ECE1: variants seen among roughly 807,000 people sequenced by gnomAD.
ECE1 encodes endothelin-converting enzyme 1.
A neutral mutation model predicts 98.6 loss-of-function variants in ECE1; 35 were observed. That is an observed-to-expected ratio of 0.35 (90% CI 0.27 to 0.47). ECE1 has a LOEUF of 0.47. ECE1 is among the 20% of genes least tolerant of loss of function. The pLI is 1.00. For synonymous variants in ECE1, 394 were observed against 407.1 expected, an observed-to-expected ratio of 0.97 and a Z score of 0.39; for missense variants, 814 against 1,025.3, an observed-to-expected ratio of 0.79 and a Z score of 2.81.
intron 4 of ECE1, among the ~76,000 whole-genome samples, chr1:21,261,424 G>A (rs2098226655): frequency 6.6e-6 from 1 of 152,042 alleles, no homozygotes; most frequent in Non-Finnish European, 1.5e-5. Flanking sequence ...CCCTGTGTAA[G>A]CTGTGGGACA....
intron 15 of ECE1, 133 bp from the exon 16 acceptor site, chr1:21,227,359 T>G: frequency 1.1e-6 from 1 of 926,942 alleles, no homozygotes; most frequent in East Asian, 2.6e-5. Flanking sequence ...TGGATAAGGG[T>G]GTGGTCATGG....
intron 14 of ECE1, among the ~76,000 whole-genome samples, chr1:21,228,868 G>GT (rs35536676): frequency 1 from 144,985 of 145,006 alleles, 72,482 homozygotes; most frequent in Middle Eastern, 1. Flanking sequence ...TTGAGACGGA[G>GT]CTCACTCTGT....
intron 2 of ECE1, among the ~76,000 whole-genome samples, chr1:21,287,034 G>A (rs1190834939): frequency 2.0e-5 from 3 of 152,154 alleles, no homozygotes; most frequent in Non-Finnish European, 4.4e-5. Flanking sequence ...ATAAATAAAT[G>A]TGGCAAGTAA....
At chr1:21,246,566 TTTAC>T (rs2098203979) in intron 9 of ECE1, among the ~76,000 whole-genome samples, 2 of 151,556 alleles carry the variant, frequency 1.3e-5, no homozygotes, top group Admixed American at 6.6e-5. Flanking sequence ...ATAGCCAACA[TTTAC>T]TGAGTCCCAG....
In ECE1 at chr1:21,219,839, T is replaced by C. The variant is rs2103196428; in HGVS notation, c.*116A>G. On this transcript the variant is annotated 3_prime_UTR_variant, in exon 19 of 19. Transcript: ENST00000374893. This position sits in a 1 kb window ranked among gnomAD's most constrained non-coding sequence, Gnocchi z 4.5. ...TCGGTTCCGGCTGAAAACCCGCCAG[T>C]GTGAGGAAGCAGGGCCCCGGGTGGC... is the stretch of plus-strand genomic sequence containing the variant. 4 of 1,361,226 alleles carry C rather than the reference T, an allele frequency of 2.9e-6. No homozygotes were observed. The highest frequency in any genetic ancestry group is 4.1e-6 in the Non-Finnish European group (4 of 976,166). The allele number at this position is 1,361,226 out of a possible 1,614,324, so 84.3% of individuals were successfully genotyped here.
chr1:21,309,868 T>G (rs1272647790), intron 1 of ECE1, among the ~76,000 whole-genome samples: 2 of 149,430 alleles, frequency 1.3e-5, no homozygotes, highest in Non-Finnish European at 3.0e-5. Flanking sequence ...CTCGGCTCAC[T>G]GCAAGCTCCG....
At chr1:21,259,499 C>T (rs1558394243) in intron 5 of ECE1, among the ~76,000 whole-genome samples, 2 of 152,060 alleles carry the variant, frequency 1.3e-5, no homozygotes. Flanking sequence ...CTCCTGGCTT[C>T]AAGTGATCCT....
intron 8 of ECE1, among the ~76,000 whole-genome samples, chr1:21,251,855 C>G (rs1435165072): frequency 1.3e-5 from 2 of 152,146 alleles, no homozygotes; most frequent in East Asian, 1.9e-4. Flanking sequence ...GCCCAATAAC[C>G]CTGAGTTTCT....
At chr1:21,312,552 G>A (rs1333784373) in intron 1 of ECE1, among the ~76,000 whole-genome samples, 1 of 152,196 alleles carries the variant, frequency 6.6e-6, no homozygotes. Context: ...GGGAGGTCAA[G>A]GTTACTGTGA....
chr1:21,305,842 C>G (rs1473713566), intron 1 of ECE1, among the ~76,000 whole-genome samples: 1 of 152,230 alleles, frequency 6.6e-6, no homozygotes, highest in Non-Finnish European at 1.5e-5. Flanking sequence ...CCCACAAATA[C>G]CGCTGTGGTC....
chr1:21,300,401 T>C (rs528054897), intron 1 of ECE1, among the ~76,000 whole-genome samples: 4 of 152,162 alleles, frequency 2.6e-5, no homozygotes, highest in African/African-American at 7.2e-5. Flanking sequence ...GCATCACACA[T>C]GTGAAAAGGC....
chr1:21,279,679 T>G, intron 2 of ECE1: 1 of 1,399,836 alleles, frequency 7.1e-7, no homozygotes, highest in Non-Finnish European at 9.3e-7. Flanking sequence ...CTTGCAGGCA[T>G]CCAGTGAGTA....
chr1:21,294,544 G>A (rs1360793947), upstream of ECE1: 2 of 152,500 alleles, frequency 1.3e-5, no homozygotes, highest in African/African-American at 4.8e-5. The surrounding 1 kb of genome is among the most constrained non-coding windows in gnomAD (Gnocchi z 4.2). Context: ...AGGAAGTGAT[G>A]ACAGCCAGAT....
At chr1:21,229,270 A>G (rs1338901549) in intron 14 of ECE1, among the ~76,000 whole-genome samples, 1 of 151,560 alleles carries the variant, frequency 6.6e-6, no homozygotes, top group African/African-American at 2.4e-5. Context: ...TACAGCCTCA[A>G]ACTCCTGGGC....
intron 2 of ECE1, among the ~76,000 whole-genome samples, chr1:21,282,004 C>T (rs1239355272): frequency 6.6e-6 from 1 of 152,144 alleles, no homozygotes; most frequent in Non-Finnish European, 1.5e-5. Context: ...AGGTACCCAT[C>T]AGCCAGGCAT....
chr1:21,225,931 G>C lies in ECE1; in HGVS notation c.1850-491C>G, dbSNP rs2098173655. ...GCTGGTCTTGAACTCCTGACCTCAA[G>C]TGATCTGCCCACCTCAGCCTCCCAA... On this transcript the variant is annotated intron_variant, in intron 16 of 18. Transcript: ENST00000374893. This position sits in a 1 kb window ranked among gnomAD's most constrained non-coding sequence, Gnocchi z 5.3. Among the ~76,000 whole-genome samples, 1 of 151,884 alleles carries C rather than the reference G, an allele frequency of 6.6e-6. No individual in the cohort carries two copies. The highest frequency in any genetic ancestry group is 1.5e-5 in the Non-Finnish European group (1 of 67,972).
intron 1 of ECE1, among the ~76,000 whole-genome samples, chr1:21,329,243 C>G (rs894386726): frequency 6.6e-6 from 1 of 152,206 alleles, no homozygotes; most frequent in African/African-American, 2.4e-5. Context: ...ATGAAACTTG[C>G]ATTTGTAACC....
intron 1 of ECE1, among the ~76,000 whole-genome samples, chr1:21,296,204 C>A (rs1201584111): frequency 1.3e-5 from 2 of 152,150 alleles, no homozygotes; most frequent in East Asian, 3.9e-4. Context: ...AAGTCAAATA[C>A]GAGTTATTAA....
rs114049820 is a variant in ECE1 at position 21,258,670 on chromosome 1, G to C, written c.762+23C>G. 4.9e-6 allele frequency: 7 copies of C among 1,416,512 alleles called. No homozygotes were observed. In the South Asian group the frequency reaches 7.9e-5, roughly 16 times the overall value. 87.7% of individuals were successfully genotyped at this position (1,416,512 alleles called of 1,614,324 possible). ...AGAGGTCGTGCCCGCCCCCTCGACC[G>C]CTGCAGGTTCAAGCTAGCTCACCTG... On this transcript the variant is annotated intron_variant, in intron 6 of 18. Transcript: ENST00000374893. This position sits in a 1 kb window ranked among gnomAD's most constrained non-coding sequence, Gnocchi z 4.2.
Sources: gnomAD v4.1 joint callset for allele counts (sites outside exome capture counted in the v4.1 genomes callset) on GRCh38, gnomAD v4.1.1 for gene constraint, Gnocchi (gnomAD v3.1) non-coding constraint, MANE v1.5 for transcripts, NCBI Gene and HGNC (gene_info 2026-07-23, HGNC 2026-07-21) for gene names.